CCDC66: variants seen among roughly 807,000 people sequenced by gnomAD.
CCDC66 encodes coiled-coil domain containing 66.
In CCDC66, 133 loss-of-function variants were observed where a neutral mutation model predicts 128.3. The ratio of observed to expected loss-of-function variants is 1.04; its 90% CI spans 0.90 to 1.20. The LOEUF (loss-of-function observed/expected upper bound fraction) is 1.20. Ranked by LOEUF, CCDC66 falls within the 50% of genes most tolerant of loss-of-function variation. The pLI is 0.00. For missense variants in CCDC66, 1,126 were observed against 1,075.5 expected, an observed-to-expected ratio of 1.05 and a Z score of -0.66; for synonymous variants, 387 against 357.0, an observed-to-expected ratio of 1.08 and a Z score of -0.95.
chr3:56,574,361 C>CA (rs59285810), intron 7 of CCDC66, among the ~76,000 whole-genome samples: 49,616 of 126,508 alleles, frequency 0.39, 10,456 homozygotes, highest in Non-Finnish European at 0.49. Context: ...GACTCTGTCT[C>CA]AAAAAAAAAA....
intron 10 of CCDC66, among the ~76,000 whole-genome samples, chr3:56,600,492 A>C (rs2072975042): frequency 6.6e-6 from 1 of 151,948 alleles, no homozygotes; most frequent in African/African-American, 2.4e-5. Context: ...TTCGGTATAT[A>C]CCTAGTAATG....
chr3:56,573,317 A>G (rs1311536640), intron 7 of CCDC66, among the ~76,000 whole-genome samples: 1 of 152,186 alleles, frequency 6.6e-6, no homozygotes, highest in African/African-American at 2.4e-5. Flanking sequence ...GAATTTGGAA[A>G]GGAGAACTTT....
chr3:56,561,428 T>A, intron 3 of CCDC66: 4 of 348,386 alleles, frequency 1.1e-5, no homozygotes, highest in South Asian at 9.5e-5. Flanking sequence ...TACTAGACTT[T>A]TAATCATAAA....
intron 10 of CCDC66, among the ~76,000 whole-genome samples, chr3:56,601,884 T>C (rs1185203320): frequency 6.6e-6 from 1 of 151,928 alleles, no homozygotes; most frequent in African/African-American, 2.4e-5. Flanking sequence ...GACAATGGGG[T>C]TTTCTAAATA....
chr3:56,603,155 C>T (rs1037628038), intron 10 of CCDC66, among the ~76,000 whole-genome samples: 2 of 151,710 alleles, frequency 1.3e-5, no homozygotes, highest in Non-Finnish European at 1.5e-5. Context: ...TTTTTTATTG[C>T]GTCTGTTTGA....
intron 7 of CCDC66, among the ~76,000 whole-genome samples, chr3:56,577,273 G>C (rs1240010096): frequency 7.3e-5 from 11 of 151,562 alleles, no homozygotes; most frequent in Non-Finnish European, 1.6e-4. Flanking sequence ...GGAGTTGTTT[G>C]ATTTTTTCTT....
At chr3:56,575,289 A>G (rs1031338720) in intron 7 of CCDC66, among the ~76,000 whole-genome samples, 2 of 151,876 alleles carry the variant, frequency 1.3e-5, no homozygotes, top group African/African-American at 4.8e-5. Flanking sequence ...ATCCATCCCA[A>G]TGGTTGTGAA....
intron 10 of CCDC66, among the ~76,000 whole-genome samples, chr3:56,606,909 C>T (rs1233592470): frequency 6.6e-6 from 1 of 150,940 alleles, no homozygotes; most frequent in Non-Finnish European, 1.5e-5. Flanking sequence ...GTCCTTTCCC[C>T]ACTTCATGTT....
At chr3:56,583,073 C>T (rs2068714697) in intron 7 of CCDC66, among the ~76,000 whole-genome samples, 1 of 151,368 alleles carries the variant, frequency 6.6e-6, no homozygotes, top group Admixed American at 6.7e-5. Flanking sequence ...GACAGGGTTG[C>T]TCAGGCTGGT....
chr3:56,598,333 T>C (rs1198692393), intron 10 of CCDC66, among the ~76,000 whole-genome samples: 1 of 151,812 alleles, frequency 6.6e-6, no homozygotes, highest in African/African-American at 2.4e-5. Flanking sequence ...AATTTTTGCA[T>C]AGGGGACTTT....
intron 6 of CCDC66, among the ~76,000 whole-genome samples, chr3:56,567,986 G>C (rs940059286): frequency 4.6e-5 from 7 of 152,106 alleles, no homozygotes; most frequent in Non-Finnish European, 8.8e-5. Flanking sequence ...CACCACGCCC[G>C]GCCAAAAGTG....
At chr3:56,569,101 G>A (rs1451039449) in intron 6 of CCDC66, among the ~76,000 whole-genome samples, 1 of 152,178 alleles carries the variant, frequency 6.6e-6, no homozygotes, top group Non-Finnish European at 1.5e-5. Flanking sequence ...ACTTTGGAAG[G>A]CCAAGATGGG....
At chr3:56,569,296 G>A (rs946042687) in intron 6 of CCDC66, 4 of 315,602 alleles carry the variant, frequency 1.3e-5, no homozygotes, top group African/African-American at 8.5e-5. Flanking sequence ...GATAAAAGAG[G>A]TTTATTTGGC....
chr3:56,601,881 G>C (rs531803722), intron 10 of CCDC66, among the ~76,000 whole-genome samples: 4 of 152,158 alleles, frequency 2.6e-5, no homozygotes, highest in African/African-American at 9.6e-5. Flanking sequence ...TGAGACAATG[G>C]GGTTTTCTAA....
At chr3:56,596,939 T>TA (rs60024546) in intron 10 of CCDC66, among the ~76,000 whole-genome samples, 2 of 149,026 alleles carry the variant, frequency 1.3e-5, no homozygotes, top group African/African-American at 5.0e-5. Context: ...TTTTTTTTTT[T>TA]AGTACAGATG....
chr3:56,563,677 T>G lies in CCDC66; in HGVS notation c.103-7T>G, dbSNP rs1484981405. The G allele has an allele frequency of 6.5e-7, 1 of 1,541,920 alleles. No homozygotes were observed. Among genetic ancestry groups the G allele is most frequent in the East Asian group, 2.5e-5 (1 of 40,790 alleles). ...TTATAAAGAATAAGCTTCTGGTGTT[T>G]TAACAGATGGGAAATAAGGCCAAGA... On this transcript the variant is annotated splice_region_variant and splice_polypyrimidine_tract_variant and intron_variant, in intron 3 of 17. Coordinates refer to ENST00000394672, the MANE Select transcript of CCDC66 (RefSeq NM_001141947.3).
intron 10 of CCDC66, among the ~76,000 whole-genome samples, chr3:56,602,906 C>T (rs1274724230): frequency 6.8e-6 from 1 of 146,416 alleles, no homozygotes; most frequent in Non-Finnish European, 1.5e-5. Context: ...ATGATCTCGG[C>T]TCACTGCAAG....
intron 7 of CCDC66, among the ~76,000 whole-genome samples, chr3:56,581,512 T>G (rs2068366093): frequency 6.6e-6 from 1 of 151,996 alleles, no homozygotes. Context: ...AATTTTCAGC[T>G]TTTCTGCTCT....
At chr3:56,621,322 G>A (rs2076575522) in intron 17 of CCDC66, 1 of 369,096 alleles carries the variant, frequency 2.7e-6, no homozygotes. Flanking sequence ...CATCCCTATT[G>A]ATTTTTATGC....
Sources: allele counts gnomAD v4.1 joint callset (sites outside exome capture counted in the v4.1 genomes callset), GRCh38; gene constraint gnomAD v4.1.1; transcripts MANE v1.5; gene names NCBI Gene and HGNC (gene_info 2026-07-23, HGNC 2026-07-21).